The following HECTD4 variants were observed in gnomAD, a reference collection of about 807,000 sequenced individuals.
HECTD4 encodes the protein HECT domain E3 ubiquitin protein ligase 4.
A neutral mutation model predicts 471.5 loss-of-function variants in HECTD4; 114 were observed. That is an observed-to-expected ratio of 0.24 (90% CI 0.21 to 0.28). The LOEUF (loss-of-function observed/expected upper bound fraction) is 0.28. Ranked by LOEUF, HECTD4 falls within the 10% of genes least tolerant of loss-of-function variation. HECTD4 has a pLI of 1.00. For missense variants in HECTD4, 3,866 were observed against 5,651.5 expected, an observed-to-expected ratio of 0.68 and a Z score of 10.13; for synonymous variants, 2,012 against 2,256.0, an observed-to-expected ratio of 0.89 and a Z score of 3.07.
intron 48 of HECTD4, among the ~76,000 whole-genome samples, chr12:112,215,616 C>T (rs2032896627): frequency 6.6e-6 from 1 of 152,104 alleles, no homozygotes; most frequent in Non-Finnish European, 1.5e-5. Context: ...TGTTTATAGG[C>T]TGTATCTACC....
intron 21 of HECTD4, 36 bp downstream of exon 21, chr12:112,256,284 C>T (rs370976929): frequency 2.2e-5 from 31 of 1,407,788 alleles, no homozygotes; most frequent in Non-Finnish European, 2.8e-5. Flanking sequence ...TCAGCTTACT[C>T]GAGGTGGAAC....
rs747382638 is a variant in HECTD4, at chr12:112,243,481, C to T, written c.4830G>A (p.Arg1610=). ...GCTTGCGAGTGTTTCCCCGCCGCCA[C>T]CTTGTCTGTGCAGCCAAAAGGAAAC... ...SSSFLLAAQT[R]WRRGNTRKQA... The change falls in exon 32 of 76, where the codon AGG becomes AGA. Residue 1610 remains arginine, a synonymous_variant. Transcript: ENST00000682272. The surrounding 1 kb of genome is among the most constrained non-coding windows in gnomAD (Gnocchi z 6.6). 1.9e-6 allele frequency: 3 copies of T among 1,607,232 alleles called. No homozygotes were observed. The highest frequency in any genetic ancestry group is 1.1e-5 in the South Asian group (1 of 89,788).
rs990375004 is a variant in HECTD4, at chr12:112,228,049, A to G, written c.6854+40T>C. ...AGGATCCCTTCTTCTGTCAGCTTGC[A>G]CCATGTCAGCACATAAGGCAATGTG... On this transcript the variant is annotated intron_variant, in intron 43 of 75. Coordinates refer to ENST00000682272, the MANE Select transcript of HECTD4 (RefSeq NM_001388303.1). The surrounding 1 kb of genome is among the most constrained non-coding windows in gnomAD (Gnocchi z 4.9). 4 of 1,536,208 alleles carry G rather than the reference A, an allele frequency of 2.6e-6. No individual in the cohort carries two copies. Among genetic ancestry groups the G allele is most frequent in the Non-Finnish European group, 3.5e-6 (4 of 1,144,204 alleles).
At chr12:112,229,632 C>T (rs2033324763) in intron 41 of HECTD4, 66 bp downstream of exon 41, 2 of 1,444,216 alleles carry the variant, frequency 1.4e-6, no homozygotes, top group East Asian at 4.6e-5. Context: ...TACAGATGAT[C>T]AATTAATTAA....
At chr12:112,198,066 C>A (rs923413971) in intron 55 of HECTD4, among the ~76,000 whole-genome samples, 1 of 152,164 alleles carries the variant, frequency 6.6e-6, no homozygotes, top group Non-Finnish European at 1.5e-5. Context: ...AACTCCTGGC[C>A]TCAAGTGAAC....
rs868605911 is a variant in HECTD4 at position 112,308,869 on chromosome 12, C to T, written c.1048G>A (p.Glu350Lys). 3.3e-6 allele frequency: 5 copies of T among 1,536,022 alleles called. No homozygotes were observed. The highest frequency in any genetic ancestry group is 4.9e-5 in the East Asian group (2 of 40,922). ...GCCACCCATCCTGGTTCCAACTCCT[C>T]GTTCCGGCAGTACACAAAACCTCTG... ...TLRGFVYCRN[E>K]ELEPGWVAFG... The change falls in exon 6 of 76, where the codon GAG becomes AAG. Residue 350 changes from glutamate (E) to lysine (K), a missense_variant. This residue lies in a region of HECTD4 where 440 missense variants were observed against 636.0 expected (regional missense o/e 0.69). Transcript: ENST00000682272.
chr12:112,231,848 T>C, intron 38 of HECTD4, 133 bp from the exon 39 acceptor site: 2 of 753,862 alleles, frequency 2.7e-6, no homozygotes, highest in South Asian at 3.7e-5. Flanking sequence ...AAATATTATA[T>C]GTAGAGTAAA....
rs1330845523 is a variant in HECTD4 at position 112,228,424 on chromosome 12, G to T, written c.6685-166C>A. On this transcript the variant is annotated intron_variant, in intron 42 of 75. Coordinates refer to ENST00000682272, the MANE Select transcript of HECTD4 (RefSeq NM_001388303.1). This position sits in a 1 kb window ranked among gnomAD's most constrained non-coding sequence, Gnocchi z 4.9. Reference sequence around the variant, plus strand: ...ACATCAAAACAATTAAAAATACATTGTAGAAGAGCCCTAACCAACAAAGAA... The same window carrying T: ...ACATCAAAACAATTAAAAATACATTTTAGAAGAGCCCTAACCAACAAAGAA... 6.6e-6 allele frequency among the ~76,000 whole-genome samples: 1 copy of T among 152,150 alleles called. No individual in the cohort carries two copies. The highest frequency in any genetic ancestry group is 1.5e-5 in the Non-Finnish European group (1 of 68,010).
chr12:112,302,538 G>A, intron 7 of HECTD4: 2 of 719,412 alleles, frequency 2.8e-6, no homozygotes, highest in Non-Finnish European at 5.1e-6. Flanking sequence ...TGGGCTGGAT[G>A]TCCTGTCCAA....
In HECTD4 at chr12:112,270,376, C is replaced by A; in HGVS notation, c.2026G>T (p.Ala676Ser). The change falls in exon 12 of 76, where the codon GCC (alanine) becomes TCC (serine). Residue 676 changes from alanine (A) to serine (S), a missense_variant. Physicochemically the swap from Ala to Ser is moderately conservative, Grantham distance 99. Transcript: ENST00000682272. ...GTGATTGGAAGATTGGGGTTGGTGG[C>A]AAGAAGATTGAGTTGGTGTATGCAC... ...AMCIHQLNLL[A>S]TNPNLPITSV... 3 of 1,613,950 alleles carry A rather than the reference C, an allele frequency of 1.9e-6. No individual in the cohort carries two copies. The highest frequency in any genetic ancestry group is 1.7e-6 in the Non-Finnish European group (2 of 1,179,898).
intron 7 of HECTD4, among the ~76,000 whole-genome samples, chr12:112,299,232 C>T (rs2035112913): frequency 2.0e-5 from 3 of 152,148 alleles, no homozygotes; most frequent in South Asian, 2.1e-4. Flanking sequence ...CCAGACATCA[C>T]GCAATTCCAT....
At chr12:112,362,013 A>G (rs2036459060) in intron 1 of HECTD4, among the ~76,000 whole-genome samples, 1 of 152,236 alleles carries the variant, frequency 6.6e-6, no homozygotes, top group African/African-American at 2.4e-5. Flanking sequence ...CGGTAGGATC[A>G]GAATTTGGGA....
chr12:112,238,597 G>A (rs1401730607), intron 34 of HECTD4, among the ~76,000 whole-genome samples: 1 of 152,130 alleles, frequency 6.6e-6, no homozygotes, highest in Non-Finnish European at 1.5e-5. Context: ...TAGGCATGGT[G>A]AGTGCGCCTA....
chr12:112,265,974 T>G lies in HECTD4; in HGVS notation c.2402A>C (p.Asn801Thr). ...LKLVLTEGER[N>T]SGLSQLRDVI... ...ATCCCGTAGCTGGGAGAGTCCACTG[T>G]TTCTCTCTCCTAACACAGAAGAAAG... Residue 801 changes from asparagine to threonine, a missense_variant, in exon 15 of 76, where the codon AAC becomes ACC. Physicochemically the swap from Asn to Thr is moderately conservative, Grantham distance 65. This residue lies in a region of HECTD4 where 525 missense variants were observed against 672.6 expected (regional missense o/e 0.78). Transcript: ENST00000682272. 1 of 1,612,610 alleles carries G rather than the reference T, an allele frequency of 6.2e-7. No homozygotes were observed. Among genetic ancestry groups the G allele is most frequent in the Non-Finnish European group, 8.5e-7 (1 of 1,178,664 alleles).
chr12:112,222,653 T>C lies in HECTD4; in HGVS notation c.6971-3164A>G, dbSNP rs537030696. ...CCGCACTCCAGCCTGGGCAACAGAG[T>C]GAGACTCTGTCTTTTAAAAACAAAC... On this transcript the variant is annotated intron_variant, in intron 44 of 75. Transcript: ENST00000682272. 2.0e-5 allele frequency among the ~76,000 whole-genome samples: 3 copies of C among 151,182 alleles called. No individual in the cohort carries two copies. In the East Asian group the frequency reaches 5.9e-4, roughly 30 times the overall value.
In HECTD4 at chr12:112,270,361, G is replaced by T; in HGVS notation, c.2041C>A (p.Leu681Ile). The T allele has an allele frequency of 5.0e-6, 8 of 1,614,036 alleles. No individual in the cohort carries two copies. The highest frequency in any genetic ancestry group is 6.8e-6 in the Non-Finnish European group (8 of 1,179,892). ...QLNLLATNPN[L>I]PITSVLGKQH... is the part of the protein sequence containing the mutation. The stretch of plus-strand genomic sequence containing the variant: ...TTGCCCAAGACACTTGTGATTGGAA[G>T]ATTGGGGTTGGTGGCAAGAAGATTG... Residue 681 changes from leucine to isoleucine, a missense_variant, in exon 12 of 76, where the codon CTT (leucine) becomes ATT (isoleucine). Leu to Ile is a conservative substitution (Grantham distance 5, BLOSUM62 2). Transcript: ENST00000682272.
chr12:112,292,146 A>G (rs1296102427), intron 7 of HECTD4, among the ~76,000 whole-genome samples: 5 of 151,906 alleles, frequency 3.3e-5, no homozygotes, highest in Non-Finnish European at 5.9e-5. Flanking sequence ...CTCCAACTTC[A>G]TCTCCCATTA....
intron 1 of HECTD4, among the ~76,000 whole-genome samples, chr12:112,367,729 G>A (rs1276822233): frequency 2.1e-5 from 3 of 144,102 alleles, no homozygotes; most frequent in African/African-American, 7.7e-5. Flanking sequence ...GCTGAGGCAG[G>A]AGAATCGCTT....
intron 1 of HECTD4, among the ~76,000 whole-genome samples, chr12:112,338,423 C>T (rs1450716194): frequency 6.6e-6 from 1 of 152,248 alleles, no homozygotes; most frequent in African/African-American, 2.4e-5. Context: ...GAATTTGAGA[C>T]CAGCCTGGCC....
Sources: allele counts gnomAD v4.1 joint callset (sites outside exome capture counted in the v4.1 genomes callset), GRCh38; gene constraint gnomAD v4.1.1; regional missense constraint gnomAD v4.1.1; non-coding constraint Gnocchi (gnomAD v3.1); transcripts MANE v1.5; gene names NCBI Gene and HGNC (gene_info 2026-07-23, HGNC 2026-07-21).